The following PRKCA variants were observed in gnomAD, a reference collection of about 807,000 sequenced individuals.
PRKCA encodes protein kinase C alpha type.
Under a neutral mutation model 87.0 loss-of-function variants are expected in PRKCA, and 27 were observed. That is an observed-to-expected ratio of 0.31 (90% CI 0.23 to 0.43). PRKCA has a LOEUF of 0.43. Ranked by LOEUF, PRKCA falls within the 20% of genes least tolerant of loss-of-function variation. PRKCA has a pLI of 1.00. For synonymous variants in PRKCA, 329 were observed against 311.1 expected, an observed-to-expected ratio of 1.06 and a Z score of -0.61; for missense variants, 518 against 852.3, an observed-to-expected ratio of 0.61 and a Z score of 4.88.
chr17:66,313,174 T>C (rs1027294740), intron 2 of PRKCA, among the ~76,000 whole-genome samples: 1 of 152,200 alleles, frequency 6.6e-6, no homozygotes, highest in African/African-American at 2.4e-5. Flanking sequence ...CAGTAGATAC[T>C]ATGTAAATAT....
chr17:66,434,347 G>T (rs1849905655), intron 2 of PRKCA, among the ~76,000 whole-genome samples: 1 of 151,978 alleles, frequency 6.6e-6, no homozygotes, highest in South Asian at 2.1e-4. Context: ...AAGACCTTGT[G>T]AAGACATCAT....
chr17:66,735,779 T>C, intron 10 of PRKCA, 117 bp downstream of exon 10: 1 of 1,252,346 alleles, frequency 8.0e-7, no homozygotes, highest in Non-Finnish European at 1.1e-6. Context: ...TGTGTTGTGA[T>C]GTCAAGCAGA....
chr17:66,538,485 A>T (rs570573556), intron 3 of PRKCA, among the ~76,000 whole-genome samples: 3 of 151,498 alleles, frequency 2.0e-5, no homozygotes, highest in Admixed American at 6.6e-5. Context: ...TGTTTTCCCC[A>T]TTGGGAACCC....
At chr17:66,304,423 A>G (rs894880390) in intron 1 of PRKCA, among the ~76,000 whole-genome samples, 3 of 152,118 alleles carry the variant, frequency 2.0e-5, no homozygotes, top group Admixed American at 6.5e-5. Context: ...TGACTCTTCT[A>G]CCTCTTCTTT....
intron 3 of PRKCA, among the ~76,000 whole-genome samples, chr17:66,517,248 C>T (rs1310091554): frequency 1.3e-5 from 2 of 152,178 alleles, no homozygotes; most frequent in Non-Finnish European, 2.9e-5. Context: ...TGGGCCACTA[C>T]ACTCCAGCCT....
At chr17:66,433,199 A>G (rs1913187080) in intron 2 of PRKCA, among the ~76,000 whole-genome samples, 1 of 152,076 alleles carries the variant, frequency 6.6e-6, no homozygotes, top group Non-Finnish European at 1.5e-5. Context: ...GGCCGTGTAT[A>G]CCTCAGTGTA....
chr17:66,703,531 T>C (rs1409787340), intron 8 of PRKCA: 1 of 152,210 alleles, frequency 6.6e-6, no homozygotes, highest in African/African-American at 2.4e-5. Context: ...TGGTGGCTCA[T>C]GCCTATAATC....
chr17:66,343,715 G>T (rs1297567775), intron 2 of PRKCA, among the ~76,000 whole-genome samples: 2 of 152,028 alleles, frequency 1.3e-5, no homozygotes, highest in Non-Finnish European at 2.9e-5. Flanking sequence ...TATAAAGGGG[G>T]GGTTGAAGGA....
rs1005823217 is a variant in PRKCA, at chr17:66,792,919, G to A, written c.1854+3940G>A. On this transcript the variant is annotated intron_variant, in intron 16 of 16. Coordinates refer to ENST00000413366, the MANE Select transcript of PRKCA (RefSeq NM_002737.3). This position sits in a 1 kb window ranked among gnomAD's most constrained non-coding sequence, Gnocchi z 4.5. Reference sequence around the variant, plus strand: ...CCCTGTGGCAGTCAACAGTGGGAGAGTCCTGTCCTGGACAGAGCCATGTCT... The same window carrying A: ...CCCTGTGGCAGTCAACAGTGGGAGAATCCTGTCCTGGACAGAGCCATGTCT... Among the ~76,000 whole-genome samples, 2 of 152,204 alleles carry A rather than the reference G, an allele frequency of 1.3e-5. No homozygotes were observed. The highest frequency in any genetic ancestry group is 4.8e-5 in the African/African-American group (2 of 41,460).
intron 2 of PRKCA, among the ~76,000 whole-genome samples, chr17:66,426,066 CT>C (rs1169188549): frequency 2.0e-5 from 3 of 152,116 alleles, no homozygotes; most frequent in Admixed American, 2.0e-4. Context: ...CGTTGGATTA[CT>C]TTTTCTGTGT....
chr17:66,747,762 TG>T (rs375085303), intron 13 of PRKCA, among the ~76,000 whole-genome samples: 1 of 152,300 alleles, frequency 6.6e-6, no homozygotes, highest in East Asian at 1.9e-4. Flanking sequence ...AGAGATGCAG[TG>T]AATGACGCAG....
intron 3 of PRKCA, among the ~76,000 whole-genome samples, chr17:66,606,091 T>TA (rs1300238247): frequency 6.6e-6 from 1 of 152,138 alleles, no homozygotes; most frequent in Non-Finnish European, 1.5e-5. Context: ...AAGCTGTATA[T>TA]AAAAAATAAT....
intron 5 of PRKCA, chr17:66,676,294 T>C (rs1598865210): frequency 6.6e-6 from 1 of 151,370 alleles, no homozygotes; most frequent in Non-Finnish European, 1.5e-5. Flanking sequence ...GGGGTGAGGG[T>C]TTTTTCCCTT....
At chr17:66,684,547 C>T (rs1972575679) in intron 5 of PRKCA, among the ~76,000 whole-genome samples, 2 of 152,244 alleles carry the variant, frequency 1.3e-5, no homozygotes, top group Admixed American at 1.3e-4. Context: ...GCTTCAATGA[C>T]ATTTAGAATT....
chr17:66,383,343 T>C (rs985941539), intron 2 of PRKCA, among the ~76,000 whole-genome samples: 1 of 152,178 alleles, frequency 6.6e-6, no homozygotes, highest in Non-Finnish European at 1.5e-5. Context: ...TGTATAGACT[T>C]TCTGTTTGCT....
intron 11 of PRKCA, among the ~76,000 whole-genome samples, chr17:66,740,942 T>G (rs1423242328): frequency 1.3e-5 from 2 of 152,128 alleles, no homozygotes; most frequent in Admixed American, 1.3e-4. Context: ...TCATTAGAGA[T>G]TTTTTTTCCT....
chr17:66,581,907 G>T (rs1273325406), intron 3 of PRKCA, among the ~76,000 whole-genome samples: 1 of 152,112 alleles, frequency 6.6e-6, no homozygotes, highest in Non-Finnish European at 1.5e-5. Flanking sequence ...GTCTCTTTGG[G>T]CAAGTTTTAA....
intron 3 of PRKCA, among the ~76,000 whole-genome samples, chr17:66,627,471 A>G (rs117278719): frequency 0.024 from 3,588 of 152,342 alleles, 63 homozygotes; most frequent in Middle Eastern, 0.054. Flanking sequence ...GAATACATGC[A>G]TATGATACTT....
intron 11 of PRKCA, among the ~76,000 whole-genome samples, 184 bp downstream of exon 11, chr17:66,739,039 T>C (rs9892696): frequency 0.35 from 53,263 of 151,970 alleles, 9,850 homozygotes; most frequent in East Asian, 0.62. Flanking sequence ...CACACCACCA[T>C]GCCTGGCTAA....
Sources: allele counts gnomAD v4.1 joint callset (sites outside exome capture counted in the v4.1 genomes callset), GRCh38; gene constraint gnomAD v4.1.1; non-coding constraint Gnocchi (gnomAD v3.1); transcripts MANE v1.5; gene names NCBI Gene and HGNC (gene_info 2026-07-23, HGNC 2026-07-21).